Variants in HEATR5A observed in about 807,000 individuals in gnomAD.
The protein encoded by HEATR5A is HEAT repeat-containing protein 5A.
A neutral mutation model predicts 218.8 loss-of-function variants in HEATR5A; 178 were observed. The ratio of observed to expected loss-of-function variants is 0.81; its 90% confidence interval spans 0.72 to 0.92. The LOEUF (loss-of-function observed/expected upper bound fraction) is 0.92, where lower values mean the gene tolerates loss of function less well. Among genes scored for constraint, HEATR5A ranks in the 40% least tolerant of loss-of-function variants. The pLI is 0.00. For synonymous variants in HEATR5A, 864 were observed against 871.6 expected, an observed-to-expected ratio of 0.99 and a Z score of 0.15; for missense variants, 2,420 against 2,418.9, an observed-to-expected ratio of 1.00 and a Z score of -0.01.
chr14:31,335,739 C>T (rs1166968564), intron 22 of HEATR5A, among the ~76,000 whole-genome samples: 1 of 152,100 alleles, frequency 6.6e-6, no homozygotes, highest in Non-Finnish European at 1.5e-5. Context: ...CTACAACCTC[C>T]CCCTCCTGGG....
At chr14:31,314,772 G>T (rs1899863551) in intron 27 of HEATR5A, among the ~76,000 whole-genome samples, 1 of 152,122 alleles carries the variant, frequency 6.6e-6, no homozygotes, top group Non-Finnish European at 1.5e-5. Flanking sequence ...CAAAAATAAA[G>T]ATTCTACAAC....
chr14:31,336,958 G>A (rs1900691708), intron 22 of HEATR5A, among the ~76,000 whole-genome samples: 1 of 152,148 alleles, frequency 6.6e-6, no homozygotes, highest in Non-Finnish European at 1.5e-5. Flanking sequence ...TTACTCATAG[G>A]CTACAAACCC....
intron 31 of HEATR5A, among the ~76,000 whole-genome samples, chr14:31,305,985 A>G (rs928506599): frequency 1.3e-5 from 2 of 152,230 alleles, no homozygotes; most frequent in Admixed American, 1.3e-4. Context: ...CTCCAATACC[A>G]TATTAGACTT....
chr14:31,329,693 T>G (rs76437398), intron 22 of HEATR5A, among the ~76,000 whole-genome samples: 1 of 152,088 alleles, frequency 6.6e-6, no homozygotes, highest in African/African-American at 2.4e-5. Flanking sequence ...GATCTACCAC[T>G]CTGGGGTCTA....
At chr14:31,405,660 G>T (rs1051450111) in intron 1 of HEATR5A, among the ~76,000 whole-genome samples, 10 of 152,156 alleles carry the variant, frequency 6.6e-5, no homozygotes, top group Admixed American at 6.6e-4. Context: ...TTTGCACTTA[G>T]TATCTATGAT....
At chr14:31,370,745 C>G (rs76817679) in intron 13 of HEATR5A, among the ~76,000 whole-genome samples, 26 of 152,038 alleles carry the variant, frequency 1.7e-4, no homozygotes, top group African/African-American at 6.3e-4. Flanking sequence ...TATACAGCAA[C>G]GAAAATGAAT....
chr14:31,349,455 G>A (rs1435507271), intron 18 of HEATR5A, among the ~76,000 whole-genome samples: 3 of 151,184 alleles, frequency 2.0e-5, no homozygotes, highest in Non-Finnish European at 4.4e-5. Flanking sequence ...TTTTCCTGTA[G>A]TTTGTTCTTA....
intron 19 of HEATR5A, among the ~76,000 whole-genome samples, chr14:31,346,243 CA>C (rs1384631154): frequency 6.6e-6 from 1 of 151,748 alleles, no homozygotes; most frequent in Non-Finnish European, 1.5e-5. Context: ...AATTAATCAA[CA>C]AAAAAGGTAT....
At chr14:31,294,717 C>T (rs1899122728) in intron 34 of HEATR5A, among the ~76,000 whole-genome samples, 1 of 152,008 alleles carries the variant, frequency 6.6e-6, no homozygotes, top group Non-Finnish European at 1.5e-5. Context: ...AACCTCCTAA[C>T]ATTTTTATGG....
rs1235137459 is a variant in HEATR5A at position 31,345,190 on chromosome 14, A to G, written c.2955T>C (p.Ile985=). The change falls in exon 20 of 36, where the codon ATT becomes ATC. Residue 985 remains isoleucine, a synonymous_variant. Coordinates refer to ENST00000543095, the MANE Select transcript of HEATR5A (RefSeq NM_015473.4). ...YVHVEPTLSL[I]IMLLLNVPPT... is the part of the protein sequence containing the mutation. Reference sequence around the variant, plus strand: ...GAGGCACATTTAACAACAACATTATAATAAGAGAAAGGGTAGGTTCCACAT... The same window carrying G: ...GAGGCACATTTAACAACAACATTATGATAAGAGAAAGGGTAGGTTCCACAT... 1.3e-5 allele frequency: 21 copies of G among 1,613,610 alleles called. No homozygotes were observed. The South Asian group carries it at 2.2e-4, about 17-fold the overall frequency.
chr14:31,402,657 G>C (rs978864916), intron 2 of HEATR5A, among the ~76,000 whole-genome samples, 193 bp downstream of exon 2: 3 of 152,128 alleles, frequency 2.0e-5, no homozygotes, highest in Non-Finnish European at 4.4e-5. Context: ...CTGCTTTTCT[G>C]AATAGCGAAA....
chr14:31,321,854 C>T (rs547121890), intron 24 of HEATR5A, among the ~76,000 whole-genome samples, 174 bp from the exon 25 acceptor site: 17 of 152,258 alleles, frequency 1.1e-4, no homozygotes, highest in African/African-American at 3.9e-4. Flanking sequence ...TTAATGTACA[C>T]TGCAAATACA....
intron 14 of HEATR5A, among the ~76,000 whole-genome samples, chr14:31,362,030 T>TCTCGGCTCACTGCAACCTTTGCCTCC (rs1901635378): frequency 6.6e-6 from 1 of 152,108 alleles, no homozygotes; most frequent in Admixed American, 6.5e-5. Flanking sequence ...AGTGGCACGA[T>TCTCGGCTCACTGCAACCTTTGCCTCC]CTCGGCTCAC....
intron 32 of HEATR5A, among the ~76,000 whole-genome samples, chr14:31,303,015 G>A (rs186346221): frequency 6.6e-6 from 1 of 151,828 alleles, no homozygotes; most frequent in African/African-American, 2.4e-5. Context: ...AGGAGGCTGA[G>A]GTGGGAGGAC....
chr14:31,328,512 T>C (rs189239694), intron 22 of HEATR5A, among the ~76,000 whole-genome samples: 148 of 152,300 alleles, frequency 9.7e-4, no homozygotes, highest in Middle Eastern at 3.4e-3. Context: ...TGATCATGTA[T>C]GGGTATGTCC....
chr14:31,334,232 A>G, intron 22 of HEATR5A: 1 of 330,872 alleles, frequency 3.0e-6, no homozygotes. Flanking sequence ...GGAGGCGTAC[A>G]AGGAGATAAA....
chr14:31,417,538 C>T (rs1209559370), intron 1 of HEATR5A, among the ~76,000 whole-genome samples: 1 of 150,676 alleles, frequency 6.6e-6, no homozygotes, highest in East Asian at 2.0e-4. Flanking sequence ...CAGCCCAGAT[C>T]GCGCCACTGC....
intron 33 of HEATR5A, 62 bp downstream of exon 33, chr14:31,302,233 C>CA: frequency 8.3e-7 from 1 of 1,209,620 alleles, no homozygotes; most frequent in African/African-American, 1.5e-5. Flanking sequence ...ATCTTATCCT[C>CA]AAAAAACTCT....
intron 21 of HEATR5A, among the ~76,000 whole-genome samples, chr14:31,343,088 C>CTT (rs200758726): frequency 1.7e-4 from 24 of 139,806 alleles, no homozygotes; most frequent in East Asian, 4.1e-4. Flanking sequence ...CATGGTAAAT[C>CTT]TTTTTTTTTT....
Sources: allele counts gnomAD v4.1 joint callset (sites outside exome capture counted in the v4.1 genomes callset), GRCh38; gene constraint gnomAD v4.1.1; transcripts MANE v1.5; gene names NCBI Gene and HGNC (gene_info 2026-07-23, HGNC 2026-07-21).